The following DNAH14 variants were observed in gnomAD, a reference collection of about 807,000 sequenced individuals.
DNAH14 encodes the protein dynein axonemal heavy chain 14.
In DNAH14, 478 loss-of-function variants were observed where a neutral mutation model predicts 520.9. That is an observed-to-expected ratio of 0.92 (90% CI 0.85 to 0.99). The LOEUF (loss-of-function observed/expected upper bound fraction) is 0.99. Ranked by LOEUF, DNAH14 falls within the 50% of genes least tolerant of loss-of-function variation. The pLI is 0.00. For missense variants in DNAH14, 4,831 were observed against 5,234.5 expected, an observed-to-expected ratio of 0.92 and a Z score of 2.38; for synonymous variants, 1,581 against 1,757.2, an observed-to-expected ratio of 0.90 and a Z score of 2.51.
intron 37 of DNAH14, among the ~76,000 whole-genome samples, chr1:225,191,067 T>A: frequency 6.6e-6 from 1 of 152,172 alleles, no homozygotes; most frequent in South Asian, 2.1e-4. Flanking sequence ...ATGCATTTAT[T>A]TTTTTAATTA....
At chr1:225,340,421 T>A in intron 68 of DNAH14, 36 bp from the exon 69 acceptor site, 1 of 1,495,376 alleles carries the variant, frequency 6.7e-7, no homozygotes, top group Non-Finnish European at 9.0e-7. Flanking sequence ...TTCTTCTACA[T>A]GTTCTTTGAA....
At chr1:224,930,702 A>G (rs888759154) in intron 1 of DNAH14, among the ~76,000 whole-genome samples, 1 of 152,062 alleles carries the variant, frequency 6.6e-6, no homozygotes, top group African/African-American at 2.4e-5. Flanking sequence ...GGTTCACGCC[A>G]TTCTCCTGCC....
intron 31 of DNAH14, among the ~76,000 whole-genome samples, 190 bp downstream of exon 31, chr1:225,147,439 TTTA>T (rs1455583775): frequency 2.0e-5 from 3 of 152,180 alleles, no homozygotes; most frequent in Non-Finnish European, 4.4e-5. Flanking sequence ...TGTGAATATA[TTTA>T]TAACTCTAAC....
At chr1:224,950,665 A>ACT (rs2125480068) in intron 1 of DNAH14, among the ~76,000 whole-genome samples, 1 of 152,312 alleles carries the variant, frequency 6.6e-6, no homozygotes, top group African/African-American at 2.4e-5. Flanking sequence ...GTTAGCATAT[A>ACT]CTCTCTTGAA....
intron 42 of DNAH14, among the ~76,000 whole-genome samples, chr1:225,234,857 G>A (rs567340714): frequency 1.3e-5 from 2 of 151,892 alleles, no homozygotes; most frequent in Non-Finnish European, 2.9e-5. Flanking sequence ...GCCTGTTGTT[G>A]GTGTATAAGA....
intron 55 of DNAH14, among the ~76,000 whole-genome samples, chr1:225,295,155 G>C (rs950674075): frequency 4.0e-5 from 6 of 151,796 alleles, no homozygotes; most frequent in African/African-American, 1.5e-4. Context: ...TCCGTTTTTA[G>C]TTTGTCTAAC....
chr1:225,266,576 C>A (rs2093127326), intron 48 of DNAH14, 65 bp from the exon 49 acceptor site: 1 of 1,240,530 alleles, frequency 8.1e-7, no homozygotes, highest in Admixed American at 3.9e-5. Context: ...CCATAATATT[C>A]CTAATTCATA....
rs1278915657 is a variant in DNAH14 at position 225,232,654 on chromosome 1, C to T, written c.6518+1503C>T. 3.9e-5 allele frequency among the ~76,000 whole-genome samples: 6 copies of T among 152,148 alleles called. No individual in the cohort carries two copies. Among genetic ancestry groups the T allele is most frequent in the Admixed American group, 2.6e-4 (4 of 15,268 alleles). On this transcript the variant is annotated intron_variant, in intron 42 of 85. Transcript: ENST00000682510. The surrounding 1 kb of genome is among the most constrained non-coding windows in gnomAD (Gnocchi z 4.2). ...ACCTTATGGTCTTGGCACACGTATT[C>T]CTTCTGCCCAAGATGTTCTTTCTCC... is the stretch of plus-strand genomic sequence containing the variant.
intron 7 of DNAH14, 71 bp from the exon 8 acceptor site, chr1:224,974,019 CT>C (rs757843550): frequency 5.9e-6 from 6 of 1,023,042 alleles, no homozygotes; most frequent in Non-Finnish European, 8.0e-6. Context: ...TATTACTAAG[CT>C]TTTACTAAAT....
At chr1:225,007,377 C>G (rs2064259385) in intron 9 of DNAH14, 36 bp from the exon 10 acceptor site, 2 of 1,415,002 alleles carry the variant, frequency 1.4e-6, no homozygotes, top group Non-Finnish European at 1.9e-6. Context: ...TGAATTTTGA[C>G]TTTCTAACAC....
At chr1:225,221,450 C>G (rs192601886) in intron 41 of DNAH14, among the ~76,000 whole-genome samples, 1 of 152,184 alleles carries the variant, frequency 6.6e-6, no homozygotes, top group East Asian at 1.9e-4. Flanking sequence ...GGAACTTAAA[C>G]AAATTTACAA....
chr1:225,186,832 CAT>C (rs1426619038), intron 37 of DNAH14, among the ~76,000 whole-genome samples: 1 of 151,654 alleles, frequency 6.6e-6, no homozygotes, highest in East Asian at 1.9e-4. Context: ...ATGATTCTCA[CAT>C]GTTTAATAGT....
At chr1:225,029,007 A>G (rs761172348) in intron 11 of DNAH14, among the ~76,000 whole-genome samples, 2 of 152,130 alleles carry the variant, frequency 1.3e-5, no homozygotes, top group Non-Finnish European at 2.9e-5. Context: ...GTAAATATTT[A>G]TAATGGCTTT....
At chr1:225,305,535 C>A (rs1009564433) in intron 58 of DNAH14, among the ~76,000 whole-genome samples, 3 of 152,072 alleles carry the variant, frequency 2.0e-5, no homozygotes, top group African/African-American at 7.2e-5. Context: ...AAGGCCTCAC[C>A]CCTAATCAGA....
chr1:225,062,453 A>AC (rs2070288868), intron 17 of DNAH14, among the ~76,000 whole-genome samples: 1 of 152,100 alleles, frequency 6.6e-6, no homozygotes, highest in Admixed American at 6.5e-5. Flanking sequence ...TAGTTTTTGG[A>AC]CTGCAAATAT....
chr1:225,290,691 ATATT>A (rs2093864768), intron 55 of DNAH14, among the ~76,000 whole-genome samples: 4 of 109,534 alleles, frequency 3.7e-5, no homozygotes, highest in Non-Finnish European at 3.9e-5. Flanking sequence ...ATATATATAT[ATATT>A]TCCTCCAAGT....
At chr1:225,250,120 G>T (rs1436838486) in intron 43 of DNAH14, among the ~76,000 whole-genome samples, 1 of 152,138 alleles carries the variant, frequency 6.6e-6, no homozygotes, top group Non-Finnish European at 1.5e-5. Flanking sequence ...TCATATTGTG[G>T]TAGTTTTAGG....
intron 11 of DNAH14, 88 bp from the exon 12 acceptor site, chr1:225,038,606 C>T: frequency 3.7e-6 from 5 of 1,338,506 alleles, no homozygotes; most frequent in East Asian, 2.8e-5. Context: ...AATTGGGTTG[C>T]TTTTTGTTGT....
In DNAH14 at chr1:225,085,562, G is replaced by T. The variant is rs1369862083; in HGVS notation, c.3346G>T (p.Glu1116Ter). ...LALKMFQYEN[E>*]INDMSTSATN... ...ATTTTAGATGTTTCAGTATGAAAAT[G>T]AAATAAATGATATGTCAACCTCAGC... Residue 1116 changes from glutamate (E) to a stop codon, truncating the protein, a stop_gained, in exon 21 of 86, where the codon GAA (glutamate) becomes TAA (stop). Coordinates refer to ENST00000682510, the MANE Select transcript of DNAH14 (RefSeq NM_001367479.1). LOFTEE classifies it high-confidence loss of function. The T allele has an allele frequency of 1.3e-6, 2 of 1,545,214 alleles. No homozygotes were observed. Among genetic ancestry groups the T allele is most frequent in the South Asian group, 1.2e-5 (1 of 83,778 alleles).
Sources: allele counts gnomAD v4.1 joint callset (sites outside exome capture counted in the v4.1 genomes callset), GRCh38; gene constraint gnomAD v4.1.1; non-coding constraint Gnocchi (gnomAD v3.1); transcripts MANE v1.5; gene names NCBI Gene and HGNC (gene_info 2026-07-23, HGNC 2026-07-21).